The following SLC71A2 variants were observed in gnomAD, a reference collection of about 807,000 sequenced individuals.
SLC71A2 encodes the protein solute carrier family 71 member 2, also known as hippocampus abundant transcript-like 1.
chr9:94,384,838 G>A, the SLC71A2 span, among the ~76,000 whole-genome samples: 2 of 152,052 alleles, frequency 1.3e-5, no homozygotes, highest in Admixed American at 1.3e-4. Context: ...AAAATAGTGG[G>A]AACTTTAAGA....
At chr9:94,435,707 T>C in the SLC71A2 span, among the ~76,000 whole-genome samples, 1 of 144,110 alleles carries the variant, frequency 6.9e-6, no homozygotes, top group Non-Finnish European at 1.5e-5. Flanking sequence ...CAGGCTGGAG[T>C]GCAATGGCAC....
At chr9:94,439,162 C>T in the SLC71A2 span, among the ~76,000 whole-genome samples, 2 of 151,866 alleles carry the variant, frequency 1.3e-5, no homozygotes, top group African/African-American at 2.4e-5. Context: ...GCTGGGACTA[C>T]AGACGCCCGG....
the SLC71A2 span, among the ~76,000 whole-genome samples, chr9:94,439,597 A>C: frequency 6.7e-6 from 1 of 150,138 alleles, no homozygotes; most frequent in Non-Finnish European, 1.5e-5. Flanking sequence ...ATTTGGTAGG[A>C]ATTTTATGCT....
chr9:94,420,426 TAATA>T, the SLC71A2 span, among the ~76,000 whole-genome samples: 2 of 152,130 alleles, frequency 1.3e-5, no homozygotes, highest in South Asian at 2.1e-4. Context: ...TTCAGTAACT[TAATA>T]AATAAATGCT....
At chr9:94,410,626 T>C in the SLC71A2 span, among the ~76,000 whole-genome samples, 1 of 151,954 alleles carries the variant, frequency 6.6e-6, no homozygotes, top group Non-Finnish European at 1.5e-5. Context: ...CAATAAAAAA[T>C]TGACAGAAGA....
chr9:94,444,419 C>G, the SLC71A2 span, among the ~76,000 whole-genome samples: 1 of 152,130 alleles, frequency 6.6e-6, no homozygotes, highest in African/African-American at 2.4e-5. Context: ...TAGTTTTTTT[C>G]TAAGAATAGC....
the SLC71A2 span, among the ~76,000 whole-genome samples, chr9:94,457,031 A>C: frequency 6.7e-6 from 1 of 149,550 alleles, no homozygotes; most frequent in Non-Finnish European, 1.5e-5. Context: ...TAGTGGTACA[A>C]TCTTGGCTCC....
chr9:94,454,036 C>T, the SLC71A2 span: 1 of 1,613,946 alleles, frequency 6.2e-7, no homozygotes, highest in Non-Finnish European at 8.5e-7. Flanking sequence ...CCAGATGCTC[C>T]AGTTAGCCTG....
chr9:94,399,514 C>T, the SLC71A2 span, among the ~76,000 whole-genome samples: 4 of 152,128 alleles, frequency 2.6e-5, no homozygotes, highest in East Asian at 1.9e-4. Flanking sequence ...ATGATGTGCT[C>T]AACTCTAATC....
chr9:94,440,916 T>C, the SLC71A2 span: 2 of 885,482 alleles, frequency 2.3e-6, no homozygotes, highest in South Asian at 3.3e-5. Flanking sequence ...ACATGATGTC[T>C]TTGGCTCAGG....
chr9:94,458,206 C>CCTG, the SLC71A2 span: 1 of 869,368 alleles, frequency 1.2e-6, no homozygotes, highest in East Asian at 2.8e-5. Flanking sequence ...CATGCTTTCT[C>CCTG]TTTTCCTCAG....
chr9:94,394,411 C>G, the SLC71A2 span, among the ~76,000 whole-genome samples: 1 of 93,596 alleles, frequency 1.1e-5, no homozygotes, highest in African/African-American at 2.8e-5. Flanking sequence ...GGTTCATCTT[C>G]TACATCCTTA....
the SLC71A2 span, chr9:94,444,878 C>A: frequency 1.2e-5 from 15 of 1,274,840 alleles, no homozygotes; most frequent in Admixed American, 1.8e-5. Flanking sequence ...AGGTGTGCAC[C>A]TGCAGCAGGC....
chr9:94,460,594 A>G, the SLC71A2 span: 1 of 148,192 alleles, frequency 6.7e-6, no homozygotes, highest in Non-Finnish European at 1.5e-5. Context: ...CAGTAAATGG[A>G]CCATTAACTA....
At chr9:94,445,510 T>G in the SLC71A2 span, among the ~76,000 whole-genome samples, 12 of 152,368 alleles carry the variant, frequency 7.9e-5, no homozygotes, top group African/African-American at 2.6e-4. Context: ...GTGGTCATTT[T>G]CACTCATTTT....
chr9:94,406,999 A>G, the SLC71A2 span, among the ~76,000 whole-genome samples: 1 of 152,144 alleles, frequency 6.6e-6, no homozygotes, highest in Non-Finnish European at 1.5e-5. Context: ...CTTAGAGGAA[A>G]AGTTTCCAGC....
the SLC71A2 span, among the ~76,000 whole-genome samples, chr9:94,417,871 C>T: frequency 4.0e-5 from 3 of 75,946 alleles, no homozygotes; most frequent in African/African-American, 1.4e-4. Flanking sequence ...CCCCCCCCCC[C>T]CCCCCGACAG....
At chr9:94,382,125 C>T in the SLC71A2 span, among the ~76,000 whole-genome samples, 1 of 151,866 alleles carries the variant, frequency 6.6e-6, no homozygotes. Context: ...CTCCTGGGCG[C>T]AGGTAATTCT....
chr9:94,459,591 C>T, the SLC71A2 span: 4 of 565,586 alleles, frequency 7.1e-6, no homozygotes, highest in Non-Finnish European at 1.2e-5. Flanking sequence ...TTTTCTCTTA[C>T]ATTCTTTTTT....
Sources: allele counts gnomAD v4.1 joint callset (sites outside exome capture counted in the v4.1 genomes callset), GRCh38; gene constraint gnomAD v4.1.1; transcripts MANE v1.5; gene names NCBI Gene and HGNC (gene_info 2026-07-23, HGNC 2026-07-21).